Variants in MYO10 observed in about 807,000 individuals in gnomAD.
MYO10 encodes myosin X.
MYO10 carries 133 observed loss-of-function variants against 257.3 expected under a neutral mutation model. That is an observed-to-expected ratio of 0.52 (90% confidence interval 0.45 to 0.60). The LOEUF (loss-of-function observed/expected upper bound fraction) is 0.60. Among genes scored for constraint, MYO10 ranks in the 20% least tolerant of loss-of-function variants. The pLI is 0.00. For synonymous variants in MYO10, 1,104 were observed against 1,028.6 expected, an observed-to-expected ratio of 1.07 and a Z score of -1.40; for missense variants, 2,399 against 2,635.7, an observed-to-expected ratio of 0.91 and a Z score of 1.97.
chr5:16,848,685 C>T (rs370540145), intron 2 of MYO10, among the ~76,000 whole-genome samples: 84 of 152,066 alleles, frequency 5.5e-4, no homozygotes, highest in Middle Eastern at 3.4e-3. Flanking sequence ...TACGGATGGA[C>T]GGCAGAAGGG....
chr5:16,724,481 C>A (rs1739275703), intron 19 of MYO10, among the ~76,000 whole-genome samples: 1 of 152,238 alleles, frequency 6.6e-6, no homozygotes, highest in Middle Eastern at 3.4e-3. Flanking sequence ...TCAAATATGA[C>A]TCTAAAGGAA....
chr5:16,665,774 C>A lies in MYO10; in HGVS notation c.*918G>T, dbSNP rs1233185284. On this transcript the variant is annotated 3_prime_UTR_variant, in exon 41 of 41. Transcript: ENST00000513610. ...CTTCATTCTTGTTCTAAAACCAGCA[C>A]TGGAGCCAGCTGTTGAAGAGTGGTT... 1 of 152,626 alleles carries A rather than the reference C, an allele frequency of 6.6e-6. No homozygotes were observed. Among genetic ancestry groups the A allele is most frequent in the Non-Finnish European group, 1.5e-5 (1 of 68,046 alleles). 9.5% of individuals were successfully genotyped at this position (152,626 alleles called of 1,614,324 possible). A position where few individuals can be genotyped will look rare whatever the true frequency, so the allele number is the denominator to read the frequency against.
chr5:16,712,100 G>A (rs1414886516), intron 19 of MYO10, among the ~76,000 whole-genome samples: 1 of 148,724 alleles, frequency 6.7e-6, no homozygotes, highest in Non-Finnish European at 1.5e-5. Context: ...CCACACTGTG[G>A]CAGGTGAGGT....
chr5:16,674,596 GTAAT>G (rs1405702608), intron 35 of MYO10, among the ~76,000 whole-genome samples: 138 of 148,868 alleles, frequency 9.3e-4, no homozygotes, highest in African/African-American at 3.2e-3. Context: ...TAGAGCAGTG[GTAAT>G]TAATTGATCC....
At position 16,713,576 on chromosome 5, in the gene MYO10, C is replaced by T. The variant is rs190143861; in HGVS notation, c.1930-2331G>A. ...GGGAGGGGAGGGAGGGAGCAAGGAG[C>T]GGCCTCGAGATCCAGGCTCCCATTG... On this transcript the variant is annotated intron_variant, in intron 19 of 40. Coordinates refer to ENST00000513610, the MANE Select transcript of MYO10 (RefSeq NM_012334.3). 62 of 843,938 alleles carry T rather than the reference C, an allele frequency of 7.3e-5. 1 individual carries two copies. The African/African-American group carries it at 9.0e-4, about 12-fold the overall frequency. The allele number at this position is 843,938 out of a possible 1,614,324, so 52.3% of individuals were successfully genotyped here. A position where few individuals can be genotyped will look rare whatever the true frequency, so the allele number is the denominator to read the frequency against.
intron 2 of MYO10, among the ~76,000 whole-genome samples, chr5:16,832,025 C>T (rs574949555): frequency 8.9e-4 from 135 of 152,310 alleles, no homozygotes; most frequent in African/African-American, 3.2e-3. Context: ...TCACCGCGGC[C>T]TCCACCTCTT....
Position 16,865,860 on chromosome 5 carries a change from T to A in MYO10, c.120+11749A>T, listed in dbSNP as rs1580090290. Among the ~76,000 whole-genome samples the A allele has an allele frequency of 6.3e-5, 9 of 143,710 alleles. No individual in the cohort carries two copies. In the South Asian group the frequency reaches 2.0e-3, roughly 32 times the overall value. The allele number at this position is 143,710 out of a possible 152,430, so 94.3% of individuals were successfully genotyped here. ...AGTAAAAAATAAATAACAAACGGAG[T>A]TATTGCTTAACAGGCTCGGAGTTTT... is the stretch of plus-strand genomic sequence containing the variant. On this transcript the variant is annotated intron_variant, in intron 2 of 40. Transcript: ENST00000513610.
At chr5:16,818,482 G>C (rs1432843863) in intron 2 of MYO10, among the ~76,000 whole-genome samples, 2 of 150,362 alleles carry the variant, frequency 1.3e-5, no homozygotes, top group African/African-American at 2.5e-5. Flanking sequence ...TGTTACTCAG[G>C]CTGGAGTGCA....
chr5:16,898,760 G>T (rs1044315303), intron 1 of MYO10, among the ~76,000 whole-genome samples: 2 of 151,802 alleles, frequency 1.3e-5, no homozygotes, highest in Non-Finnish European at 2.9e-5. Context: ...TCTCAACTTG[G>T]AACAGCCATA....
rs757770056 is a variant in MYO10 at position 16,701,600 on chromosome 5, T to C, written c.2795A>G (p.Glu932Gly). ...RRDQELRRLE[E>G]EACRAAQEFL... ...CTCCTGGGCCGCCCTGCACGCTTCC[T>C]CCTCCAGCCTGCGGAGCTCCTGGTC... The change falls in exon 25 of 41, where the codon GAG becomes GGG. Residue 932 changes from glutamate to glycine, a missense_variant. Around this residue, in one of 3 missense-constraint regions of MYO10, gnomAD observed 1,820 missense variants for 1,939.4 expected, o/e 0.94. Coordinates refer to ENST00000513610, the MANE Select transcript of MYO10 (RefSeq NM_012334.3). This position sits in a 1 kb window ranked among gnomAD's most constrained non-coding sequence, Gnocchi z 8.1. 157 of 1,613,078 alleles carry C rather than the reference T, an allele frequency of 9.7e-5. No individual in the cohort carries two copies. The highest frequency in any genetic ancestry group is 1.3e-4 in the Non-Finnish European group (153 of 1,179,656).
In MYO10 at chr5:16,671,010, A is replaced by G. The variant is rs778817551; in HGVS notation, c.5431-32T>C. ...GGAGACAGTCAACAGCTTTCCGGTC[A>G]ACGCACTGCCATGCCATGGGATGCC... On this transcript the variant is annotated intron_variant, in intron 38 of 40. Transcript: ENST00000513610. 3 of 1,562,394 alleles carry G rather than the reference A, an allele frequency of 1.9e-6. No homozygotes were observed. In the South Asian group the frequency reaches 3.6e-5, roughly 19 times the overall value.
At chr5:16,926,341 C>T (rs1721497116) in intron 1 of MYO10, among the ~76,000 whole-genome samples, 1 of 152,040 alleles carries the variant, frequency 6.6e-6, no homozygotes, top group Admixed American at 6.6e-5. Context: ...GTATGAATTT[C>T]GCTGACAATG....
At chr5:16,780,885 C>G (rs1741401678) in intron 6 of MYO10, 144 bp from the exon 7 acceptor site, 2 of 800,432 alleles carry the variant, frequency 2.5e-6, no homozygotes, top group South Asian at 1.8e-5. Flanking sequence ...TGCCAACAGA[C>G]AAGCAAACAA....
intron 2 of MYO10, among the ~76,000 whole-genome samples, chr5:16,866,498 T>C (rs1238147157): frequency 6.6e-6 from 1 of 152,090 alleles, no homozygotes; most frequent in Non-Finnish European, 1.5e-5. Flanking sequence ...CTTTATGGCC[T>C]CTAGAAACGG....
intron 1 of MYO10, among the ~76,000 whole-genome samples, chr5:16,900,107 T>C (rs1172203710): frequency 6.6e-6 from 1 of 152,102 alleles, no homozygotes; most frequent in Admixed American, 6.6e-5. Context: ...ACACATCTGT[T>C]TCCTAAAGTA....
chr5:16,796,055 G>A (rs565724644), intron 3 of MYO10, among the ~76,000 whole-genome samples: 3 of 151,716 alleles, frequency 2.0e-5, no homozygotes, highest in South Asian at 4.2e-4. Flanking sequence ...CAGGCCCGGT[G>A]GCACACACCT....
chr5:16,698,538 T>C (rs1054505583), intron 26 of MYO10, among the ~76,000 whole-genome samples: 4 of 151,640 alleles, frequency 2.6e-5, no homozygotes, highest in Non-Finnish European at 5.9e-5. Context: ...AAGCCAGCAG[T>C]GGGCCTCAGT....
intron 19 of MYO10, among the ~76,000 whole-genome samples, chr5:16,722,863 G>A (rs1320052417): frequency 6.6e-6 from 1 of 152,108 alleles, no homozygotes; most frequent in East Asian, 1.9e-4. Flanking sequence ...CTTCTTCCGA[G>A]AAAGATGCTG....
intron 19 of MYO10, among the ~76,000 whole-genome samples, chr5:16,734,917 C>T (rs956363960): frequency 1.3e-5 from 2 of 152,124 alleles, no homozygotes; most frequent in Non-Finnish European, 2.9e-5. Context: ...AGAGTCTGAG[C>T]CAGGAGTTTT....
Sources: gnomAD v4.1 joint callset for allele counts (sites outside exome capture counted in the v4.1 genomes callset) on GRCh38, gnomAD v4.1.1 for gene constraint, gnomAD v4.1.1 regional missense constraint, Gnocchi (gnomAD v3.1) non-coding constraint, MANE v1.5 for transcripts, NCBI Gene and HGNC (gene_info 2026-07-23, HGNC 2026-07-21) for gene names.